Variants in OXR1 observed in about 807,000 individuals in gnomAD.
The protein encoded by OXR1 is oxidation resistance protein 1.
A neutral mutation model predicts 104.6 loss-of-function variants in OXR1; 41 were observed. The observed-to-expected ratio is 0.39, with a 90% CI of 0.31 to 0.51. The LOEUF is 0.51. Ranked by LOEUF, OXR1 falls within the 20% of genes least tolerant of loss-of-function variation. OXR1 has a pLI of 0.77. For missense variants in OXR1, 955 were observed against 1,031.9 expected, an observed-to-expected ratio of 0.93 and a Z score of 1.02; for synonymous variants, 348 against 348.4, an observed-to-expected ratio of 1.00 and a Z score of 0.01.
chr8:106,395,880 T>G (rs556243884), intron 2 of OXR1, among the ~76,000 whole-genome samples: 14 of 151,834 alleles, frequency 9.2e-5, no homozygotes, highest in Non-Finnish European at 1.8e-4. Context: ...AGACCTTGAG[T>G]GTCTTCTAGT....
At chr8:106,466,652 T>A (rs1246895243) in intron 2 of OXR1, among the ~76,000 whole-genome samples, 2 of 151,876 alleles carry the variant, frequency 1.3e-5, no homozygotes, top group South Asian at 4.1e-4. Context: ...AGAAATAGAA[T>A]AATGATGAAA....
chr8:106,702,046 T>C (rs964329815), intron 7 of OXR1, among the ~76,000 whole-genome samples: 1 of 152,246 alleles, frequency 6.6e-6, no homozygotes, highest in African/African-American at 2.4e-5. Flanking sequence ...TTCAGCTCAC[T>C]GCAACCTCTG....
intron 2 of OXR1, among the ~76,000 whole-genome samples, chr8:106,377,213 T>C (rs1297070599): frequency 1.3e-5 from 2 of 152,218 alleles, no homozygotes; most frequent in African/African-American, 4.8e-5. Context: ...AGACAGGGTT[T>C]CCCCCTCTCG....
intron 3 of OXR1, among the ~76,000 whole-genome samples, chr8:106,665,199 T>TCACA (rs139048099): frequency 1.5e-4 from 22 of 150,906 alleles, no homozygotes; most frequent in Admixed American, 4.0e-4. Flanking sequence ...CAGGGCACAG[T>TCACA]CACACACACA....
At chr8:106,485,824 G>A (rs1810613016) in intron 2 of OXR1, among the ~76,000 whole-genome samples, 2 of 151,980 alleles carry the variant, frequency 1.3e-5, no homozygotes, top group African/African-American at 2.4e-5. Context: ...GATGAACCTG[G>A]AGGACATTAT....
chr8:106,592,280 G>T (rs765038232), intron 3 of OXR1, among the ~76,000 whole-genome samples: 1 of 152,000 alleles, frequency 6.6e-6, no homozygotes, highest in Non-Finnish European at 1.5e-5. Flanking sequence ...CAATAAATAA[G>T]AAAAAATCAA....
intron 1 of OXR1, among the ~76,000 whole-genome samples, chr8:106,302,746 T>G (rs534816272): frequency 9.2e-5 from 14 of 152,066 alleles, no homozygotes; most frequent in East Asian, 1.9e-4. Flanking sequence ...GTTTGGGTTT[T>G]TTTGTTTGTT....
chr8:106,458,181 A>C (rs1211535858), intron 2 of OXR1, among the ~76,000 whole-genome samples: 1 of 152,172 alleles, frequency 6.6e-6, no homozygotes, highest in Non-Finnish European at 1.5e-5. Flanking sequence ...AGGCATTTCA[A>C]AGATTTTTGA....
intron 2 of OXR1, among the ~76,000 whole-genome samples, chr8:106,378,200 G>C (rs1035483447): frequency 6.6e-6 from 1 of 152,202 alleles, no homozygotes; most frequent in African/African-American, 2.4e-5. Context: ...ACAGGTTACT[G>C]TAGGGATTAA....
chr8:106,297,000 C>T lies in OXR1; in HGVS notation c.-139+26633C>T, dbSNP rs74816950. On this transcript the variant is annotated intron_variant, in intron 1 of 16. Transcript: ENST00000517566. ...CCCTAGAGCTGTGATGGTAACGCTA[C>T]TCAACATTATCACTGCTGTTTAGAG... Among the ~76,000 whole-genome samples the T allele has an allele frequency of 1.8e-4, 27 of 152,278 alleles. No individual in the cohort carries two copies. The East Asian group carries it at 5.0e-3, about 28-fold the overall frequency.
rs60293753 is a variant in OXR1, at chr8:106,430,537, T to C, written c.23+70901T>C. Among the ~76,000 whole-genome samples, 719 of 152,314 alleles carry C rather than the reference T, an allele frequency of 4.7e-3. 6 individuals are homozygous for C. The highest frequency in any genetic ancestry group is 0.017 in the African/African-American group (688 of 41,586). On this transcript the variant is annotated intron_variant, in intron 2 of 16. Coordinates refer to ENST00000517566, the MANE Select transcript of OXR1 (RefSeq NM_001198533.2). The stretch of plus-strand genomic sequence containing the variant: ...TGGGTGTAAAATGATGCCCTACCTC[T>C]ATTGAAATGAAGCTTCTGCTTATTT...
intron 2 of OXR1, among the ~76,000 whole-genome samples, chr8:106,360,228 G>C (rs554520518): frequency 1.1e-4 from 16 of 152,220 alleles, no homozygotes; most frequent in African/African-American, 3.9e-4. Flanking sequence ...CAAAAAATGA[G>C]CTTTTCTATA....
At chr8:106,481,258 A>G (rs185262247) in intron 2 of OXR1, among the ~76,000 whole-genome samples, 3 of 152,022 alleles carry the variant, frequency 2.0e-5, no homozygotes, top group East Asian at 3.9e-4. Flanking sequence ...AGGCCTTACC[A>G]TGAAGCTGTA....
chr8:106,337,034 T>A (rs948395512), intron 1 of OXR1, among the ~76,000 whole-genome samples: 1 of 152,230 alleles, frequency 6.6e-6, no homozygotes, highest in Non-Finnish European at 1.5e-5. Context: ...GCTTAGTCAG[T>A]TTTCTAATTG....
At chr8:106,354,686 G>C (rs1463680474) in intron 1 of OXR1, among the ~76,000 whole-genome samples, 1 of 152,056 alleles carries the variant, frequency 6.6e-6, no homozygotes, top group African/African-American at 2.4e-5. Flanking sequence ...ATGAAATATA[G>C]AAAACCTATA....
chr8:106,586,890 G>A (rs575391751), intron 3 of OXR1, among the ~76,000 whole-genome samples: 7 of 152,250 alleles, frequency 4.6e-5, no homozygotes, highest in African/African-American at 1.7e-4. Flanking sequence ...GTGCAGTGGT[G>A]GGTCTCTAGG....
At chr8:106,527,478 A>G (rs1378241847) in intron 3 of OXR1, among the ~76,000 whole-genome samples, 1 of 152,036 alleles carries the variant, frequency 6.6e-6, no homozygotes, top group East Asian at 1.9e-4. Flanking sequence ...TCAGCCCTAC[A>G]CTCCAGCCAA....
At chr8:106,629,189 A>AT (rs1822451106) in intron 3 of OXR1, among the ~76,000 whole-genome samples, 1 of 152,076 alleles carries the variant, frequency 6.6e-6, no homozygotes, top group Non-Finnish European at 1.5e-5. Context: ...TAACATTTAA[A>AT]TTTTTTTAAA....
intron 2 of OXR1, among the ~76,000 whole-genome samples, chr8:106,407,926 A>G (rs1954751): frequency 0.047 from 7,132 of 152,278 alleles, 553 homozygotes; most frequent in African/African-American, 0.16. Flanking sequence ...TATTGACCAG[A>G]TTCCCCACTA....
Sources: gnomAD v4.1 joint callset for allele counts (sites outside exome capture counted in the v4.1 genomes callset) on GRCh38, gnomAD v4.1.1 for gene constraint, MANE v1.5 for transcripts, NCBI Gene and HGNC (gene_info 2026-07-23, HGNC 2026-07-21) for gene names.